The following KDM5A variants were observed in gnomAD, a reference collection of about 807,000 sequenced individuals.
KDM5A encodes lysine demethylase 5A, also known as lysine-specific demethylase 5A.
In KDM5A, 42 loss-of-function variants were observed where a neutral mutation model predicts 193.5. The observed-to-expected ratio is 0.22, with a 90% confidence interval of 0.17 to 0.28. KDM5A has a LOEUF of 0.28. KDM5A is among the 10% of genes least tolerant of loss of function. KDM5A has a pLI of 1.00. For missense variants in KDM5A, 1,692 were observed against 2,055.1 expected (o/e 0.82, Z 3.42); for synonymous variants, 796 against 718.1 (o/e 1.11, Z -1.73).
At chr12:295,814 A>T (rs766988561) in intron 25 of KDM5A, 21 bp from the exon 26 acceptor site, 11 of 1,601,996 alleles carry the variant, frequency 6.9e-6, no homozygotes, top group Non-Finnish European at 8.6e-6. Flanking sequence ...AAATACCATA[A>T]AACAAAGCAA....
chr12:389,275 C>T lies in KDM5A; in HGVS notation c.-184G>A. 1.4e-6 allele frequency: 1 copy of T among 724,804 alleles called. No homozygotes were observed. The highest frequency in any genetic ancestry group is 2.5e-6 in the Non-Finnish European group (1 of 404,914). 44.9% of individuals were successfully genotyped at this position (724,804 alleles called of 1,614,324 possible). On this transcript the variant is annotated 5_prime_UTR_variant, in exon 1 of 28. Transcript: ENST00000399788. ...CCGTTTGTTATTGTTTCTTGCAAGG[C>T]TTTTCCACTGAGGTTCAGGACTTTT...
chr12:379,766 A>G (rs1944552914), intron 3 of KDM5A, among the ~76,000 whole-genome samples: 1 of 152,346 alleles, frequency 6.6e-6, no homozygotes, highest in South Asian at 2.1e-4. Flanking sequence ...CTTAACCTTT[A>G]ATCATAACAT....
intron 3 of KDM5A, among the ~76,000 whole-genome samples, chr12:378,346 C>A (rs532376038): frequency 6.6e-6 from 1 of 152,206 alleles, no homozygotes; most frequent in Admixed American, 6.5e-5. Flanking sequence ...TAGCCCCAAA[C>A]ACCTGGACTC....
chr12:322,490 T>G lies in KDM5A; in HGVS notation c.2353A>C (p.Arg785=). The change falls in exon 17 of 28, where the codon AGG becomes CGG. Residue 785 remains arginine (R), a synonymous_variant. Coordinates refer to ENST00000399788, the MANE Select transcript of KDM5A (RefSeq NM_001042603.3). ...GTCTCAGCTTCTTTTACAGCATCCC[T>G]GAGTTTTCGAAAGAGATCATTCTCT... ...YPENDLFRKL[R]DAVKEAETCA... 1 of 1,613,714 alleles carries G rather than the reference T, an allele frequency of 6.2e-7. No individual in the cohort carries two copies. The highest frequency in any genetic ancestry group is 1.1e-5 in the South Asian group (1 of 91,072).
At position 303,454 on chromosome 12, in the gene KDM5A, T is replaced by A. The variant is rs139500542; in HGVS notation, c.4074+3492A>T. On this transcript the variant is annotated intron_variant, in intron 24 of 27. Transcript: ENST00000399788. ...GCATGTTCTCACTCATAAGTGGGAG[T>A]TGAACAACGAGAACATATGGACACA... Among the ~76,000 whole-genome samples the A allele has an allele frequency of 2.8e-3, 429 of 151,466 alleles. 13 individuals are homozygous for A. The East Asian group carries it at 0.066, about 23-fold the overall frequency.
In KDM5A at chr12:295,705, A is replaced by G. The variant is rs765569809; in HGVS notation, c.4323T>C (p.Ala1441=). The change falls in exon 26 of 28, where the codon GCT becomes GCC. Residue 1441 remains alanine, a synonymous_variant. Transcript: ENST00000399788. The part of the protein sequence containing the change: ...EPPVLELSPG[A]KAQLEELMMV... ...TCATAAGTTCTTCCAGTTGTGCCTT[A>G]GCTCCAGGTGACAACTCCAGCACTG... The G allele has an allele frequency of 5.6e-6, 9 of 1,614,120 alleles. No homozygotes were observed. The highest frequency in any genetic ancestry group is 7.6e-6 in the Non-Finnish European group (9 of 1,180,000).
Position 313,192 on chromosome 12 carries a change from G to A in KDM5A, c.2900C>T (p.Pro967Leu), listed in dbSNP as rs371715765. The A allele has an allele frequency of 1.1e-5, 17 of 1,613,712 alleles. 1 individual carries two copies. Among genetic ancestry groups the A allele is most frequent in the East Asian group, 4.5e-5 (2 of 44,864 alleles). ...EKAKVCLQAR[P>L]RHSVASLESI... ...TTCTAAACTTGCCACACTGTGCCTC[G>A]GTCTAAAAGAACAATAAAAACAGAG... is the stretch of plus-strand genomic sequence containing the variant. Residue 967 changes from proline (P) to leucine (L), a missense_variant and splice_region_variant, in exon 20 of 28, where the codon CCG (proline) becomes CTG (leucine). Pro to Leu is a moderately conservative substitution (Grantham distance 98). Transcript: ENST00000399788.
intron 3 of KDM5A, among the ~76,000 whole-genome samples, chr12:379,887 A>G (rs1453845946): frequency 1.3e-5 from 2 of 152,248 alleles, no homozygotes; most frequent in East Asian, 1.9e-4. Context: ...GATGACCGTT[A>G]TAAGGAGAAT....
At chr12:297,276 C>T in intron 24 of KDM5A, 76 bp from the exon 25 acceptor site, 1 of 1,303,562 alleles carries the variant, frequency 7.7e-7, no homozygotes, top group Admixed American at 1.7e-5. Flanking sequence ...AAAATGGAGG[C>T]TTTCAGGTTA....
At chr12:316,995 A>G (rs1322788351) in intron 19 of KDM5A, among the ~76,000 whole-genome samples, 1 of 152,208 alleles carries the variant, frequency 6.6e-6, no homozygotes, top group Non-Finnish European at 1.5e-5. Flanking sequence ...TCATCCTCAC[A>G]ATAGAAATTA....
Position 284,875 on chromosome 12 carries a change from A to G in KDM5A, c.*581T>C, listed in dbSNP as rs535493072. On this transcript the variant is annotated 3_prime_UTR_variant, in exon 28 of 28. Transcript: ENST00000399788. ...TATTTGGGATGTTCTTCTAGCACAA[A>G]CAAGCACAAATCGCTGAGGTCAATA... 1.2e-4 allele frequency: 29 copies of G among 236,022 alleles called. No individual in the cohort carries two copies. Among genetic ancestry groups the G allele is most frequent in the African/African-American group, 5.7e-4 (26 of 45,468 alleles). 14.6% of individuals were successfully genotyped at this position (236,022 alleles called of 1,614,324 possible).
At chr12:364,884 CCACT>C (rs945150425) in intron 4 of KDM5A, among the ~76,000 whole-genome samples, 2 of 151,956 alleles carry the variant, frequency 1.3e-5, no homozygotes, top group African/African-American at 2.4e-5. Flanking sequence ...AAACATATGT[CCACT>C]CAAAGACTTG....
intron 10 of KDM5A, among the ~76,000 whole-genome samples, chr12:342,929 C>G (rs1199155850): frequency 6.6e-6 from 1 of 152,154 alleles, no homozygotes; most frequent in African/African-American, 2.4e-5. Context: ...ACTGCTTGGA[C>G]AGTGGGTGCA....
At chr12:364,554 G>A (rs945012607) in intron 4 of KDM5A, among the ~76,000 whole-genome samples, 1 of 151,688 alleles carries the variant, frequency 6.6e-6, no homozygotes, top group Non-Finnish European at 1.5e-5. Context: ...GGGAGGCCGA[G>A]GTGAGTGGAT....
intron 10 of KDM5A, among the ~76,000 whole-genome samples, chr12:347,027 A>G (rs975041018): frequency 6.6e-6 from 1 of 152,216 alleles, no homozygotes; most frequent in African/African-American, 2.4e-5. Context: ...CCATCATCTC[A>G]GCCCAAAATC....
chr12:293,081 T>G lies in KDM5A; in HGVS notation c.4544A>C (p.Gln1515Pro), dbSNP rs1362429393. ...CTTCTGTTTTCCTTCTCCAAAAAGT[T>G]GCTCTACCTTTTCTAGCTTCCGTTT... ...KRKRKLEKVE[Q>P]LFGEGKQKSK... is the part of the protein sequence containing the mutation. Residue 1515 changes from glutamine (Q) to proline (P), a missense_variant, in exon 27 of 28, where the codon CAA (glutamine) becomes CCA (proline). By Grantham distance (76) the Gln-to-Pro change is moderately conservative. Around this residue, in one of 11 missense-constraint regions of KDM5A, gnomAD observed 965 missense variants for 1,061.0 expected, o/e 0.91. Coordinates refer to ENST00000399788, the MANE Select transcript of KDM5A (RefSeq NM_001042603.3). The G allele has an allele frequency of 1.1e-5, 18 of 1,588,800 alleles. 1 individual carries two copies. The highest frequency in any genetic ancestry group is 1.5e-5 in the Non-Finnish European group (18 of 1,173,736).
At position 334,383 on chromosome 12, in the gene KDM5A, C is replaced by A; in HGVS notation, c.1348G>T (p.Val450Phe). ...TGTGCAAGAACAGACTGTTCCAGGA[C>A]AGGCATGTTATTCAAATTCCAACCA... ...LSGWNLNNMP[V>F]LEQSVLAHIN... Residue 450 changes from valine to phenylalanine, a missense_variant, in exon 11 of 28, where the codon GTC becomes TTC. Physicochemically the swap from Val to Phe is conservative, Grantham distance 50. This residue lies in a region of KDM5A where 172 missense variants were observed against 260.3 expected (regional missense o/e 0.66). Coordinates refer to ENST00000399788, the MANE Select transcript of KDM5A (RefSeq NM_001042603.3). The A allele has an allele frequency of 6.2e-7, 1 of 1,613,924 alleles. No homozygotes were observed. The highest frequency in any genetic ancestry group is 8.5e-7 in the Non-Finnish European group (1 of 1,179,916).
chr12:317,248 C>T (rs989250148), intron 19 of KDM5A, among the ~76,000 whole-genome samples: 2 of 152,148 alleles, frequency 1.3e-5, no homozygotes, highest in East Asian at 1.9e-4. Flanking sequence ...CACCTGAACA[C>T]GCCCTAAATA....
At chr12:295,885 T>C (rs1943365034) in intron 25 of KDM5A, 92 bp from the exon 26 acceptor site, 1 of 1,006,092 alleles carries the variant, frequency 9.9e-7, no homozygotes, top group Non-Finnish European at 1.6e-6. Context: ...TAGCCCCCCA[T>C]CCCCCAATAC....
Sources: gnomAD v4.1 joint callset for allele counts (sites outside exome capture counted in the v4.1 genomes callset) on GRCh38, gnomAD v4.1.1 for gene constraint, gnomAD v4.1.1 regional missense constraint, MANE v1.5 for transcripts, NCBI Gene and HGNC (gene_info 2026-07-23, HGNC 2026-07-21) for gene names.